MCC: variants seen among roughly 807,000 people sequenced by gnomAD.
MCC encodes the protein MCC regulator of Wnt signaling pathway, also known as colorectal mutant cancer protein.
A neutral mutation model predicts 116.2 loss-of-function variants in MCC; 90 were observed. That is an observed-to-expected ratio of 0.77 (90% CI 0.65 to 0.92). The LOEUF is 0.92. MCC is among the 40% of genes least tolerant of loss of function. MCC has a pLI of 0.00. For synonymous variants in MCC, 578 were observed against 510.5 expected, an observed-to-expected ratio of 1.13 and a Z score of -1.78; for missense variants, 1,516 against 1,312.2, an observed-to-expected ratio of 1.16 and a Z score of -2.40.
intron 1 of MCC, among the ~76,000 whole-genome samples, chr5:113,478,494 A>G (rs995538926): frequency 6.6e-6 from 1 of 152,232 alleles, no homozygotes; most frequent in Non-Finnish European, 1.5e-5. Flanking sequence ...TTGAACCTCT[A>G]GCAAGGGAGT....
At chr5:113,079,452 G>A (rs1045678423) in intron 11 of MCC, among the ~76,000 whole-genome samples, 2 of 152,196 alleles carry the variant, frequency 1.3e-5, no homozygotes, top group Admixed American at 6.5e-5. Context: ...ACTGGTACCA[G>A]AACAGAGATA....
intron 11 of MCC, among the ~76,000 whole-genome samples, chr5:113,075,707 T>TAA (rs1754400306): frequency 6.6e-6 from 1 of 151,898 alleles, no homozygotes; most frequent in African/African-American, 2.4e-5. Context: ...GATAAGGGAA[T>TAA]AAAAGCAGGC....
intron 2 of MCC, among the ~76,000 whole-genome samples, chr5:113,380,499 C>CTTAT: frequency 6.6e-6 from 1 of 151,346 alleles, no homozygotes; most frequent in Non-Finnish European, 1.5e-5. Flanking sequence ...CAGTGCATTG[C>CTTAT]TCATTCATTC....
At chr5:113,104,111 A>AC in intron 7 of MCC, 81 bp downstream of exon 7, 3 of 1,367,970 alleles carry the variant, frequency 2.2e-6, no homozygotes, top group Non-Finnish European at 2.0e-6. Flanking sequence ...AGTATTTAAG[A>AC]AAACTGCACT....
chr5:113,044,010 T>A (rs1265044675), intron 16 of MCC, among the ~76,000 whole-genome samples: 1 of 152,002 alleles, frequency 6.6e-6, no homozygotes, highest in Non-Finnish European at 1.5e-5. Flanking sequence ...AGAGAAGTTA[T>A]GCGGCCCAGT....
In MCC at chr5:113,143,331, A is replaced by G. The variant is rs539952782; in HGVS notation, c.771T>C (p.His257=). Residue 257 remains histidine, a synonymous_variant, in exon 5 of 19, where the codon CAT becomes CAC. Transcript: ENST00000408903. The part of the protein sequence containing the change: ...QCEQSHLMRE[H]EDVQERTTLR... ...GTGTCGTTCGCTCCTGGACATCCTC[A>G]TGCTCTCTCATGAGGTGGGACTGCT... The G allele has an allele frequency of 1.1e-5, 17 of 1,613,808 alleles. No homozygotes were observed. The East Asian group carries it at 2.0e-4, about 19-fold the overall frequency.
intron 1 of MCC, among the ~76,000 whole-genome samples, chr5:113,391,336 G>A (rs1580323607): frequency 6.6e-6 from 1 of 152,260 alleles, no homozygotes; most frequent in African/African-American, 2.4e-5. Context: ...CAGCCAGTGT[G>A]ATGAATTGTG....
intron 4 of MCC, among the ~76,000 whole-genome samples, chr5:113,150,561 C>T (rs1020623295): frequency 6.6e-6 from 1 of 151,542 alleles, no homozygotes; most frequent in Non-Finnish European, 1.5e-5. Flanking sequence ...AAATGCATTT[C>T]AGTAATGATG....
chr5:113,143,154 C>A lies in MCC; in HGVS notation c.884+64G>T, dbSNP rs2150285797. The A allele has an allele frequency of 2.0e-6, 3 of 1,503,744 alleles. No homozygotes were observed. In the South Asian group the frequency reaches 4.0e-5, roughly 20 times the overall value. 93.2% of individuals were successfully genotyped at this position (1,503,744 alleles called of 1,614,324 possible). On this transcript the variant is annotated intron_variant, in intron 5 of 18. Transcript: ENST00000408903. ...CTTGGAGTTAAAATAGTTGGGGCTA[C>A]TTCAGCTCCAAGATGGAGGGTTTAG...
At chr5:113,482,589 C>T (rs1318573759) in intron 1 of MCC, among the ~76,000 whole-genome samples, 1 of 152,094 alleles carries the variant, frequency 6.6e-6, no homozygotes. Context: ...ATCCTTTGTC[C>T]ATTTTTACAT....
chr5:113,064,303 A>G (rs1315151026), intron 13 of MCC, 136 bp from the exon 14 acceptor site: 20 of 741,984 alleles, frequency 2.7e-5, no homozygotes, highest in Non-Finnish European at 3.9e-5. Context: ...GCCCAGCCGA[A>G]GAGAAGATCT....
intron 1 of MCC, among the ~76,000 whole-genome samples, chr5:113,454,241 A>C (rs1300801517): frequency 6.6e-6 from 1 of 152,166 alleles, no homozygotes; most frequent in Non-Finnish European, 1.5e-5. Context: ...AGTAGCTGGG[A>C]CCACAGGCAT....
intron 3 of MCC, among the ~76,000 whole-genome samples, chr5:113,196,531 A>C (rs946043212): frequency 2.0e-5 from 3 of 152,236 alleles, no homozygotes; most frequent in Non-Finnish European, 4.4e-5. Flanking sequence ...ATTTTGATGT[A>C]TAAGGGCTAC....
chr5:113,117,018 C>T (rs1157496266), intron 6 of MCC, among the ~76,000 whole-genome samples: 2 of 152,254 alleles, frequency 1.3e-5, no homozygotes, highest in African/African-American at 4.8e-5. Context: ...TCAGTCCGGT[C>T]TAACCCTTTC....
At chr5:113,305,089 G>A (rs1766955304) in intron 3 of MCC, among the ~76,000 whole-genome samples, 1 of 152,030 alleles carries the variant, frequency 6.6e-6, no homozygotes, top group African/African-American at 2.4e-5. Context: ...GTATCAAGCT[G>A]AGGGGTGAAG....
intron 4 of MCC, among the ~76,000 whole-genome samples, chr5:113,150,835 G>A (rs1759815211): frequency 6.6e-6 from 1 of 152,176 alleles, no homozygotes; most frequent in Non-Finnish European, 1.5e-5. Flanking sequence ...GCCAAGGCAA[G>A]AGGATCACTT....
At chr5:113,169,036 C>A (rs1760926063) in intron 3 of MCC, among the ~76,000 whole-genome samples, 1 of 152,046 alleles carries the variant, frequency 6.6e-6, no homozygotes, top group African/African-American at 2.4e-5. Context: ...ATCACCAATC[C>A]CCAGCCCCAG....
chr5:113,122,248 T>C (rs1340073827), intron 6 of MCC, among the ~76,000 whole-genome samples: 2 of 152,218 alleles, frequency 1.3e-5, no homozygotes, highest in African/African-American at 4.8e-5. Context: ...ATCATTCTCT[T>C]AGTCACTTAG....
intron 13 of MCC, among the ~76,000 whole-genome samples, chr5:113,067,124 G>A (rs1430683473): frequency 3.3e-5 from 5 of 152,152 alleles, no homozygotes; most frequent in Admixed American, 6.5e-5. Flanking sequence ...TGTCCAATTA[G>A]ATACTCCTTC....
Sources: allele counts gnomAD v4.1 joint callset (sites outside exome capture counted in the v4.1 genomes callset), GRCh38; gene constraint gnomAD v4.1.1; transcripts MANE v1.5; gene names NCBI Gene and HGNC (gene_info 2026-07-23, HGNC 2026-07-21).